The following SCFD1 variants were observed in gnomAD, a reference collection of about 807,000 sequenced individuals.
SCFD1 encodes the protein sec1 family domain-containing protein 1.
Under a neutral mutation model 103.2 loss-of-function variants are expected in SCFD1, and 37 were observed. The observed-to-expected ratio is 0.36, with a 90% CI of 0.28 to 0.47. The LOEUF (loss-of-function observed/expected upper bound fraction) is 0.47. SCFD1 is among the 20% of genes least tolerant of loss of function. SCFD1 has a pLI of 1.00. For synonymous variants in SCFD1, 264 were observed against 245.0 expected (o/e 1.08, Z -0.73); for missense variants, 639 against 761.2 (o/e 0.84, Z 1.89).
intron 19 of SCFD1, among the ~76,000 whole-genome samples, chr14:30,710,432 G>A (rs1891794003): frequency 6.7e-6 from 1 of 149,896 alleles, no homozygotes; most frequent in African/African-American, 2.5e-5. Context: ...AAAAGTAATA[G>A]TCATACAGTA....
At position 30,673,380 on chromosome 14, in the gene SCFD1, G is replaced by T. The variant is rs760606551; in HGVS notation, c.1086+33G>T. ...TCTATTTGCTTTCTAAGAATTATAGGAAAGAGGAGGATTATCTGTTAGATA... is the reference window on the plus strand; with the variant it reads ...TCTATTTGCTTTCTAAGAATTATAGTAAAGAGGAGGATTATCTGTTAGATA... On this transcript the variant is annotated intron_variant, in intron 12 of 24. Coordinates refer to ENST00000458591, the MANE Select transcript of SCFD1 (RefSeq NM_016106.4). 6.0e-6 allele frequency: 7 copies of T among 1,167,898 alleles called. No individual in the cohort carries two copies. The African/African-American group carries it at 1.1e-4, about 18-fold the overall frequency. The allele number at this position is 1,167,898 out of a possible 1,614,324, so 72.3% of individuals were successfully genotyped here. A position where few individuals can be genotyped will look rare whatever the true frequency, so the allele number is the denominator to read the frequency against.
At chr14:30,628,713 A>G (rs770010256) in intron 2 of SCFD1, among the ~76,000 whole-genome samples, 2 of 152,236 alleles carry the variant, frequency 1.3e-5, no homozygotes, top group Non-Finnish European at 2.9e-5. Context: ...TTGAACCAGA[A>G]AGCAATCTAC....
intron 23 of SCFD1, among the ~76,000 whole-genome samples, chr14:30,733,572 C>G (rs1893633374): frequency 6.6e-6 from 1 of 152,190 alleles, no homozygotes; most frequent in Admixed American, 6.5e-5. Context: ...TCCAAGAATA[C>G]CAGGATCCAT....
chr14:30,644,075 C>A, intron 7 of SCFD1: 1 of 441,492 alleles, frequency 2.3e-6, no homozygotes, highest in South Asian at 1.6e-5. Flanking sequence ...GTTTAGCTCC[C>A]ACTTACAAGT....
rs553164303 is a variant in SCFD1, at chr14:30,727,090, T to A, written c.1836+4531T>A. ...TATTCTCAGCAAAAGATCAGGGCTA[T>A]AAGTGTGTAAGCCCACCTAGTTATC... On this transcript the variant is annotated intron_variant, in intron 23 of 24. Transcript: ENST00000458591. Among the ~76,000 whole-genome samples the A allele has an allele frequency of 5.5e-4, 83 of 152,270 alleles. 1 individual carries two copies. The East Asian group carries it at 0.016, about 29-fold the overall frequency.
intron 15 of SCFD1, among the ~76,000 whole-genome samples, chr14:30,697,743 A>T (rs927514712): frequency 6.6e-6 from 1 of 152,136 alleles, no homozygotes; most frequent in Non-Finnish European, 1.5e-5. Context: ...ATTAGACAAA[A>T]CTTAATTGTG....
intron 9 of SCFD1, among the ~76,000 whole-genome samples, chr14:30,653,124 C>T (rs1400624239): frequency 6.6e-6 from 1 of 152,116 alleles, no homozygotes; most frequent in Non-Finnish European, 1.5e-5. Context: ...GCCAGCCTCC[C>T]CCGTCTCTAT....
At chr14:30,645,217 T>C (rs1594595144) in intron 7 of SCFD1, among the ~76,000 whole-genome samples, 1 of 152,318 alleles carries the variant, frequency 6.6e-6, no homozygotes, top group East Asian at 1.9e-4. Context: ...CATGCTGTTT[T>C]GGTTACTACC....
At chr14:30,735,024 ATAAG>A (rs1368221763) in intron 24 of SCFD1, 166 bp downstream of exon 24, 2 of 567,878 alleles carry the variant, frequency 3.5e-6, no homozygotes, top group Non-Finnish European at 6.3e-6. Flanking sequence ...GAAAACCTTG[ATAAG>A]TAATAATGTT....
intron 19 of SCFD1, among the ~76,000 whole-genome samples, chr14:30,714,881 A>AT (rs1423591989): frequency 2.0e-5 from 3 of 152,244 alleles, no homozygotes; most frequent in Non-Finnish European, 4.4e-5. Flanking sequence ...TGCACTTTGA[A>AT]TAGCCATAAT....
At chr14:30,631,407 C>T (rs1242241878) in intron 3 of SCFD1, among the ~76,000 whole-genome samples, 2 of 151,966 alleles carry the variant, frequency 1.3e-5, no homozygotes, top group Non-Finnish European at 2.9e-5. Flanking sequence ...GAATATCTCA[C>T]GTAATTTATT....
intron 4 of SCFD1, among the ~76,000 whole-genome samples, chr14:30,636,211 G>C (rs1884705485): frequency 6.6e-6 from 1 of 150,890 alleles, no homozygotes; most frequent in Admixed American, 6.6e-5. Context: ...TCATTCTCTG[G>C]ATAATGTCCT....
chr14:30,651,061 G>A (rs1886352059), intron 9 of SCFD1, among the ~76,000 whole-genome samples: 1 of 151,788 alleles, frequency 6.6e-6, no homozygotes, highest in Non-Finnish European at 1.5e-5. Flanking sequence ...TTTTATTATT[G>A]TTAGCATTTC....
intron 6 of SCFD1, among the ~76,000 whole-genome samples, chr14:30,640,494 G>C (rs1885161937): frequency 6.6e-6 from 1 of 152,048 alleles, no homozygotes; most frequent in African/African-American, 2.4e-5. Context: ...AATATGAATT[G>C]TGTTATATTG....
At chr14:30,628,076 C>A in intron 1 of SCFD1, 133 bp from the exon 2 acceptor site, 1 of 604,072 alleles carries the variant, frequency 1.7e-6, no homozygotes, top group Non-Finnish European at 2.9e-6. Flanking sequence ...TAGTTCTACA[C>A]ATATAGTCAT....
At chr14:30,669,464 G>A (rs1274807146) in intron 10 of SCFD1, among the ~76,000 whole-genome samples, 12 of 151,904 alleles carry the variant, frequency 7.9e-5, no homozygotes, top group Non-Finnish European at 1.2e-4. Context: ...AGAAGTTGGG[G>A]GAAAGAAAAA....
intron 10 of SCFD1, among the ~76,000 whole-genome samples, chr14:30,657,016 T>G (rs1207146029): frequency 6.6e-6 from 1 of 151,966 alleles, no homozygotes; most frequent in Admixed American, 6.5e-5. Context: ...ATTTGGTTGG[T>G]GGGGCCCTTA....
chr14:30,683,498 G>T, intron 14 of SCFD1: 1 of 341,232 alleles, frequency 2.9e-6, no homozygotes, highest in Non-Finnish European at 5.6e-6. Context: ...AGCTCCTGTT[G>T]TTTTGCCCAT....
intron 24 of SCFD1, 126 bp from the exon 25 acceptor site, chr14:30,735,460 A>G (rs1473665243): frequency 1.4e-6 from 1 of 699,146 alleles, no homozygotes; most frequent in Non-Finnish European, 2.5e-6. Flanking sequence ...ATTAAGATTT[A>G]TTATTCTAGG....
Sources: allele counts gnomAD v4.1 joint callset (sites outside exome capture counted in the v4.1 genomes callset), GRCh38; gene constraint gnomAD v4.1.1; transcripts MANE v1.5; gene names NCBI Gene and HGNC (gene_info 2026-07-23, HGNC 2026-07-21).